Variants in DNAAF9 observed in about 807,000 individuals in gnomAD.
DNAAF9 encodes the protein dynein axonemal assembly factor 9, also known as shulin.
In DNAAF9, 90 loss-of-function variants were observed where a neutral mutation model predicts 167.0. The observed-to-expected ratio is 0.54, with a 90% CI of 0.45 to 0.64. DNAAF9 has a LOEUF of 0.64. DNAAF9 is among the 30% of genes least tolerant of loss of function. The pLI is 0.00. For synonymous variants in DNAAF9, 491 were observed against 508.8 expected, an observed-to-expected ratio of 0.96 and a Z score of 0.47; for missense variants, 1,315 against 1,442.2, an observed-to-expected ratio of 0.91 and a Z score of 1.43.
chr20:3,326,328 G>GT, intron 12 of DNAAF9, 44 bp from the exon 13 acceptor site: 1 of 1,373,852 alleles, frequency 7.3e-7, no homozygotes. Context: ...GCATCATGAG[G>GT]TTTTTGTCAA....
At position 3,255,324 on chromosome 20, in the gene DNAAF9, C is replaced by T. The variant is rs201585527; in HGVS notation, c.3262-40G>A. Reference sequence around the variant, plus strand: ...AGTGGAGGGTCAGGTCCCAGCAGAACTCATGGAGTGCATGGGCAGGGGAGG... The same window carrying T: ...AGTGGAGGGTCAGGTCCCAGCAGAATTCATGGAGTGCATGGGCAGGGGAGG... On this transcript the variant is annotated intron_variant, in intron 34 of 36. Coordinates refer to ENST00000252032, the MANE Select transcript of DNAAF9 (RefSeq NM_001009984.3). 1.2e-4 allele frequency: 156 copies of T among 1,331,112 alleles called. 2 individuals are homozygous for T. In the East Asian group the frequency reaches 3.9e-3, roughly 33 times the overall value. The allele number at this position is 1,331,112 out of a possible 1,614,324, so 82.5% of individuals were successfully genotyped here.
At chr20:3,305,776 G>C (rs1256713110) in intron 20 of DNAAF9, among the ~76,000 whole-genome samples, 1 of 152,158 alleles carries the variant, frequency 6.6e-6, no homozygotes, top group Non-Finnish European at 1.5e-5. Flanking sequence ...GCCTCTCATG[G>C]AAGAACCAGA....
At chr20:3,278,162 G>A (rs1032638819) in intron 29 of DNAAF9, among the ~76,000 whole-genome samples, 2 of 152,130 alleles carry the variant, frequency 1.3e-5, no homozygotes, top group Admixed American at 1.3e-4. Context: ...GCACTGCAAG[G>A]TTGAATGCAA....
At chr20:3,285,584 C>T (rs941215890) in intron 27 of DNAAF9, among the ~76,000 whole-genome samples, 1 of 149,552 alleles carries the variant, frequency 6.7e-6, no homozygotes, top group Non-Finnish European at 1.5e-5. Context: ...GAGGCTGAGG[C>T]ACGAGAATTG....
chr20:3,395,427 T>C (rs1425706200), intron 1 of DNAAF9, among the ~76,000 whole-genome samples: 1 of 152,052 alleles, frequency 6.6e-6, no homozygotes, highest in Non-Finnish European at 1.5e-5. Context: ...ATTACAGATG[T>C]GCGCCACTAT....
At chr20:3,393,012 A>G (rs888717113) in intron 1 of DNAAF9, among the ~76,000 whole-genome samples, 2 of 152,202 alleles carry the variant, frequency 1.3e-5, no homozygotes, top group Admixed American at 6.5e-5. Context: ...TAAGCAAAAC[A>G]ATAAAATATG....
At chr20:3,322,077 G>T (rs2069625344) in intron 16 of DNAAF9, 140 bp downstream of exon 16, 2 of 646,904 alleles carry the variant, frequency 3.1e-6, no homozygotes, top group African/African-American at 1.8e-5. Flanking sequence ...CCCTGCTATG[G>T]CTGGGATAGG....
chr20:3,384,148 C>T (rs2083700871), intron 1 of DNAAF9: 1 of 152,178 alleles, frequency 6.6e-6, no homozygotes, highest in Non-Finnish European at 1.5e-5. Context: ...CATTCCATGA[C>T]TTGGCGCTCT....
At chr20:3,282,592 G>A (rs1322914971) in intron 27 of DNAAF9, among the ~76,000 whole-genome samples, 5 of 152,266 alleles carry the variant, frequency 3.3e-5, no homozygotes, top group African/African-American at 1.2e-4. Context: ...ATCTCACTCT[G>A]TGTGAAAGCC....
intron 1 of DNAAF9, among the ~76,000 whole-genome samples, chr20:3,400,396 AGT>A (rs1286848842): frequency 6.6e-6 from 1 of 152,180 alleles, no homozygotes; most frequent in Non-Finnish European, 1.5e-5. Flanking sequence ...TTAATCTCTT[AGT>A]TTTGATAAAT....
intron 30 of DNAAF9, among the ~76,000 whole-genome samples, chr20:3,265,343 T>C (rs2068469598): frequency 6.6e-6 from 1 of 151,956 alleles, no homozygotes; most frequent in Non-Finnish European, 1.5e-5. Context: ...GGCAGGCGGA[T>C]CACCTGGGGT....
intron 25 of DNAAF9, among the ~76,000 whole-genome samples, chr20:3,291,579 G>A (rs1192059588): frequency 3.3e-5 from 5 of 151,888 alleles, no homozygotes; most frequent in Admixed American, 6.6e-5. Flanking sequence ...TCTTGACCTC[G>A]TGATCCACCT....
In DNAAF9 at chr20:3,323,304, CAG is replaced by C. The variant is rs1298473208; in HGVS notation, c.1266-610_1266-609del. Among the ~76,000 whole-genome samples the C allele has an allele frequency of 2.4e-4, 23 of 95,292 alleles. No individual in the cohort carries two copies. The South Asian group carries it at 4.1e-3, about 17-fold the overall frequency. The allele number at this position is 95,292 out of a possible 152,430, so 62.5% of individuals were successfully genotyped here. On this transcript the variant is annotated intron_variant, in intron 14 of 36. Coordinates refer to ENST00000252032, the MANE Select transcript of DNAAF9 (RefSeq NM_001009984.3). ...TTTTTTTTTTTTTTTTTTTTTGAGACAGAGTCTCATTCTGTCACCCAGGCTGG... is the reference window on the plus strand; with the variant it reads ...TTTTTTTTTTTTTTTTTTTTTGAGACAGTCTCATTCTGTCACCCAGGCTGG...
In DNAAF9 at chr20:3,316,732, G is replaced by T; in HGVS notation, c.1530C>A (p.Cys510Ter). The T allele has an allele frequency of 6.2e-7, 1 of 1,612,724 alleles. No individual in the cohort carries two copies. Among genetic ancestry groups the T allele is most frequent in the Non-Finnish European group, 8.5e-7 (1 of 1,178,854 alleles). The change falls in exon 18 of 37, where the codon TGC becomes TGA. Residue 510 changes from cysteine (C) to a stop codon, truncating the protein, a stop_gained. Transcript: ENST00000252032. LOFTEE classifies it high-confidence loss of function. Reference sequence around the variant, plus strand: ...GATGAATGACACTAACCAGCCAGGAGCAGAATCTGGGTACAGCAGCAGTCA... The same window carrying T: ...GATGAATGACACTAACCAGCCAGGATCAGAATCTGGGTACAGCAGCAGTCA... ...VVLTAAVPRFCSWLVEDNEVK... is the reference protein window; with the variant it reads ...VVLTAAVPRF
chr20:3,332,634 T>G (rs1600802308), intron 10 of DNAAF9, among the ~76,000 whole-genome samples: 2 of 151,714 alleles, frequency 1.3e-5, no homozygotes, highest in East Asian at 3.9e-4. Context: ...TTTTTTTTTT[T>G]TGTATTTTTA....
At chr20:3,323,437 A>C (rs1010274994) in intron 14 of DNAAF9, among the ~76,000 whole-genome samples, 2 of 151,786 alleles carry the variant, frequency 1.3e-5, no homozygotes, top group Non-Finnish European at 2.9e-5. Flanking sequence ...GTGTACCATC[A>C]TGCCTGGCTA....
chr20:3,367,216 G>A (rs992434888), intron 6 of DNAAF9, among the ~76,000 whole-genome samples: 2 of 152,194 alleles, frequency 1.3e-5, no homozygotes, highest in African/African-American at 4.8e-5. Context: ...ACCATTCTCA[G>A]CCTTCACATT....
Position 3,315,658 on chromosome 20 carries a change from G to T in DNAAF9, c.1590+77C>A. ...TCTTTTAGATTAGTAGTGAGATGAA[G>T]CATTTTAATACCTTTATGAATTGCT... On this transcript the variant is annotated intron_variant, in intron 19 of 36. Transcript: ENST00000252032. The surrounding 1 kb of genome is among the most constrained non-coding windows in gnomAD (Gnocchi z 4.1). The T allele has an allele frequency of 2.7e-6, 3 of 1,113,966 alleles. No homozygotes were observed. Among genetic ancestry groups the T allele is most frequent in the Non-Finnish European group, 4.1e-6 (3 of 724,350 alleles). 69.0% of individuals were successfully genotyped at this position (1,113,966 alleles called of 1,614,324 possible).
Position 3,343,721 on chromosome 20 carries a change from C to G in DNAAF9, c.800G>C (p.Ser267Thr). 6.2e-7 allele frequency: 1 copy of G among 1,612,508 alleles called. No individual in the cohort carries two copies. Among genetic ancestry groups the G allele is most frequent in the South Asian group, 1.1e-5 (1 of 90,926 alleles). ...AGAGATCATTCCATGACTGAAATAA[C>G]TTCTGAATGGCTAAAAAGAAGCCAA... ...SESQAGEPFRSYFSHGMISSH... is the reference protein window; with the variant it reads ...SESQAGEPFRTYFSHGMISSH... The change falls in exon 9 of 37, where the codon AGT (serine) becomes ACT (threonine). Residue 267 changes from serine to threonine, a missense_variant. Ser to Thr is a moderately conservative substitution (Grantham distance 58, BLOSUM62 1). Around this residue, in one of 2 missense-constraint regions of DNAAF9, gnomAD observed 981 missense variants for 1,012.5 expected, o/e 0.97. Coordinates refer to ENST00000252032, the MANE Select transcript of DNAAF9 (RefSeq NM_001009984.3).
Sources: allele counts gnomAD v4.1 joint callset (sites outside exome capture counted in the v4.1 genomes callset), GRCh38; gene constraint gnomAD v4.1.1; regional missense constraint gnomAD v4.1.1; non-coding constraint Gnocchi (gnomAD v3.1); transcripts MANE v1.5; gene names NCBI Gene and HGNC (gene_info 2026-07-23, HGNC 2026-07-21).